Variants in CHN2 observed in about 807,000 individuals in gnomAD.
CHN2 encodes the protein beta-chimaerin.
In CHN2, 35 loss-of-function variants were observed where a neutral mutation model predicts 56.3. The observed-to-expected ratio is 0.62, with a 90% CI of 0.47 to 0.82. CHN2 has a LOEUF of 0.82. Among genes scored for constraint, CHN2 ranks in the 40% least tolerant of loss-of-function variants. CHN2 has a pLI of 0.00. For synonymous variants in CHN2, 210 were observed against 212.8 expected (o/e 0.99, Z 0.12); for missense variants, 491 against 580.5 (o/e 0.85, Z 1.58).
chr7:29,385,822 C>T (rs1800872208), intron 3 of CHN2, among the ~76,000 whole-genome samples: 1 of 152,106 alleles, frequency 6.6e-6, no homozygotes, highest in African/African-American at 2.4e-5. Flanking sequence ...GAAGTGAAGC[C>T]AGAAAATAAA....
At position 29,273,104 on chromosome 7, in the gene CHN2, G is replaced by A. The variant is rs559418207; in HGVS notation, c.49+78114G>A. Reference sequence around the variant, plus strand: ...TGTATCCTTTGACCTACATCTTTCCGTTTTCTCTCCCCCACCCTTTACCGC... The same window carrying A: ...TGTATCCTTTGACCTACATCTTTCCATTTTCTCTCCCCCACCCTTTACCGC... On this transcript the variant is annotated intron_variant, in intron 1 of 12. Coordinates refer to ENST00000222792, the MANE Select transcript of CHN2 (RefSeq NM_004067.4). Among the ~76,000 whole-genome samples the A allele has an allele frequency of 4.0e-5, 6 of 151,314 alleles. No homozygotes were observed. In the East Asian group the frequency reaches 7.8e-4, roughly 20 times the overall value.
intron 1 of CHN2, among the ~76,000 whole-genome samples, chr7:29,339,866 TAATAAC>T (rs986349749): frequency 6.6e-6 from 1 of 150,824 alleles, no homozygotes; most frequent in African/African-American, 2.4e-5. Flanking sequence ...AAAAAAAAAA[TAATAAC>T]AATACTGTAT....
At chr7:29,383,795 T>C (rs759831227) in intron 3 of CHN2, among the ~76,000 whole-genome samples, 19 of 152,070 alleles carry the variant, frequency 1.2e-4, no homozygotes, top group Non-Finnish European at 2.4e-4. Flanking sequence ...GGGGAAACAG[T>C]GAAGAATTCT....
At chr7:29,435,486 T>C (rs557052070) in intron 6 of CHN2, among the ~76,000 whole-genome samples, 2 of 152,346 alleles carry the variant, frequency 1.3e-5, no homozygotes, top group South Asian at 2.1e-4. Flanking sequence ...GCCCACTACA[T>C]ACCTTGGCTG....
chr7:29,416,402 G>A (rs1373061425), intron 6 of CHN2, among the ~76,000 whole-genome samples: 1 of 152,346 alleles, frequency 6.6e-6, no homozygotes, highest in East Asian at 1.9e-4. Context: ...ACTTAAGAGA[G>A]CAAAGGTTTT....
intron 1 of CHN2, among the ~76,000 whole-genome samples, chr7:29,280,973 G>A (rs1791662135): frequency 6.6e-6 from 1 of 152,138 alleles, no homozygotes. Flanking sequence ...GCGCATGCCT[G>A]TAATCTCAGC....
At chr7:29,443,871 G>A (rs1783848839) in intron 6 of CHN2, among the ~76,000 whole-genome samples, 1 of 152,178 alleles carries the variant, frequency 6.6e-6, no homozygotes, top group Admixed American at 6.5e-5. Context: ...AGGTCATATG[G>A]TCAAGCCTAA....
chr7:29,159,964 G>A (rs142116176), intron 2 of CHN2, among the ~76,000 whole-genome samples: 4 of 152,276 alleles, frequency 2.6e-5, no homozygotes, highest in East Asian at 3.9e-4. Context: ...ATGGGTGCAC[G>A]TCATTTTCTG....
At chr7:29,346,817 A>G (rs994103329) in intron 1 of CHN2, among the ~76,000 whole-genome samples, 3 of 152,200 alleles carry the variant, frequency 2.0e-5, no homozygotes, top group Non-Finnish European at 4.4e-5. Context: ...TCACTTTGCC[A>G]AGTGGAGCAC....
intron 3 of CHN2, among the ~76,000 whole-genome samples, chr7:29,368,199 A>G (rs1799324105): frequency 6.6e-6 from 1 of 152,130 alleles, no homozygotes; most frequent in Non-Finnish European, 1.5e-5. Flanking sequence ...GATGTCTCAT[A>G]TTTTTAACCA....
At chr7:29,493,101 AT>A (rs1217438855) in intron 7 of CHN2, among the ~76,000 whole-genome samples, 1 of 152,136 alleles carries the variant, frequency 6.6e-6, no homozygotes, top group Non-Finnish European at 1.5e-5. Flanking sequence ...TAAGTGTACC[AT>A]TTTTTATCCT....
intron 1 of CHN2, among the ~76,000 whole-genome samples, chr7:29,310,336 A>T (rs192293820): frequency 6.6e-5 from 10 of 152,358 alleles, no homozygotes; most frequent in Admixed American, 6.5e-4. Context: ...ATATAATCAC[A>T]TTCATGTTTA....
At chr7:29,215,522 C>A (rs1164091720) in intron 1 of CHN2, among the ~76,000 whole-genome samples, 1 of 152,168 alleles carries the variant, frequency 6.6e-6, no homozygotes, top group African/African-American at 2.4e-5. Flanking sequence ...AATCAGCACA[C>A]TCACCTAAGT....
intron 6 of CHN2, among the ~76,000 whole-genome samples, chr7:29,417,044 T>C (rs1803823706): frequency 6.6e-6 from 1 of 152,102 alleles, no homozygotes; most frequent in Admixed American, 6.6e-5. Flanking sequence ...TGCCGCCGGG[T>C]AGCATCTCAC....
intron 1 of CHN2, among the ~76,000 whole-genome samples, chr7:29,331,388 G>T (rs1796198633): frequency 6.6e-6 from 1 of 152,186 alleles, no homozygotes; most frequent in African/African-American, 2.4e-5. Context: ...CTGGAGCCTG[G>T]GGACGGCTAG....
chr7:29,504,430 C>T (rs1282119191), intron 9 of CHN2, among the ~76,000 whole-genome samples: 1 of 152,160 alleles, frequency 6.6e-6, no homozygotes. Context: ...CCATCAAGCT[C>T]ATGAACACAG....
At chr7:29,400,477 ATTG>A (rs1802113758) in intron 5 of CHN2, 63 bp from the exon 6 acceptor site, 3 of 1,494,600 alleles carry the variant, frequency 2.0e-6, no homozygotes, top group Non-Finnish European at 2.8e-6. Context: ...GTTAGCTGCT[ATTG>A]TTATCATTCC....
chr7:29,507,287 G>A lies in CHN2; in HGVS notation c.1051G>A (p.Ala351Thr). The A allele has an allele frequency of 1.2e-6, 2 of 1,613,404 alleles. No homozygotes were observed. The highest frequency in any genetic ancestry group is 1.7e-6 in the Non-Finnish European group (2 of 1,179,582). ...VYPDINIITG[A>T]LKLYFRDLPI... ...TCCAGACATAAACATCATCACTGGA[G>A]CCCTTAAACTGTATTTCAGAGACTT... Residue 351 changes from alanine to threonine, a missense_variant, in exon 11 of 13, where the codon GCC becomes ACC. Physicochemically the swap from Ala to Thr is moderately conservative, Grantham distance 58. Coordinates refer to ENST00000222792, the MANE Select transcript of CHN2 (RefSeq NM_004067.4).
intron 6 of CHN2, among the ~76,000 whole-genome samples, chr7:29,478,007 G>A (rs1375188752): frequency 6.6e-6 from 1 of 152,210 alleles, no homozygotes; most frequent in African/African-American, 2.4e-5. Context: ...GTGTGGCAGG[G>A]ATAAGAGCTG....
Sources: gnomAD v4.1 joint callset for allele counts (sites outside exome capture counted in the v4.1 genomes callset) on GRCh38, gnomAD v4.1.1 for gene constraint, MANE v1.5 for transcripts, NCBI Gene and HGNC (gene_info 2026-07-23, HGNC 2026-07-21) for gene names.